SIGLEC7: variants seen among roughly 807,000 people sequenced by gnomAD.
SIGLEC7 encodes sialic acid-binding Ig-like lectin 7.
In SIGLEC7, 33 loss-of-function variants were observed where a neutral mutation model predicts 40.8. That is an observed-to-expected ratio of 0.81 (90% CI 0.61 to 1.08). SIGLEC7 has a LOEUF of 1.08. Ranked by LOEUF, SIGLEC7 falls within the 50% of genes least tolerant of loss-of-function variation. SIGLEC7 has a pLI of 0.00. For synonymous variants in SIGLEC7, 242 were observed against 237.6 expected (o/e 1.02, Z -0.17); for missense variants, 513 against 576.1 (o/e 0.89, Z 1.12).
Position 51,146,739 on chromosome 19 carries a change from C to T in SIGLEC7, c.1028-15C>T. The T allele has an allele frequency of 6.2e-7, 1 of 1,610,568 alleles. No individual in the cohort carries two copies. ...TTGGAGTTGGATCACCAAAACAATT[C>T]CAATCCATCCTCAGGCAAAATGAGG... is the stretch of plus-strand genomic sequence containing the variant. On this transcript the variant is annotated splice_polypyrimidine_tract_variant and intron_variant, in intron 4 of 6. Transcript: ENST00000317643.
At position 51,153,319 on chromosome 19, in the gene SIGLEC7, A is replaced by G; in HGVS notation, c.*74A>G. 4.3e-6 allele frequency: 5 copies of G among 1,164,872 alleles called. No individual in the cohort carries two copies. Among genetic ancestry groups the G allele is most frequent in the South Asian group, 1.9e-5 (1 of 51,772 alleles). The allele number at this position is 1,164,872 out of a possible 1,614,324, so 72.2% of individuals were successfully genotyped here. ...AAAGGAGTCTGAGGCTGATTCCAGT[A>G]GAATTAGCAGCCCTCAATGCTGTGC... On this transcript the variant is annotated 3_prime_UTR_variant, in exon 7 of 7. Coordinates refer to ENST00000317643, the MANE Select transcript of SIGLEC7 (RefSeq NM_014385.4).
At chr19:51,144,869 C>T (rs1261844769) in intron 2 of SIGLEC7, 43 bp from the exon 3 acceptor site, 1 of 1,602,078 alleles carries the variant, frequency 6.2e-7, no homozygotes, top group Non-Finnish European at 8.6e-7. Flanking sequence ...CCAGTGTCCC[C>T]AGCCCTCACA....
chr19:51,144,666 A>G lies in SIGLEC7; in HGVS notation c.694A>G (p.Ile232Val). Residue 232 changes from isoleucine (I) to valine (V), a missense_variant, in exon 2 of 7, where the codon ATC (isoleucine) becomes GTC (valine). Transcript: ENST00000317643. ...PGAGVTTNRT[I>V]QLNVSYPPQN... ...GGCCGGCGTGACCACGAACAGGACC[A>G]TCCAACTCAATGTGTCCTGTGAGTG... 1 of 1,613,614 alleles carries G rather than the reference A, an allele frequency of 6.2e-7. No individual in the cohort carries two copies. The highest frequency in any genetic ancestry group is 8.5e-7 in the Non-Finnish European group (1 of 1,179,966).
At position 51,145,745 on chromosome 19, in the gene SIGLEC7, C is replaced by T; in HGVS notation, c.761-110C>T. 1.6e-6 allele frequency: 2 copies of T among 1,275,988 alleles called. No homozygotes were observed. Among genetic ancestry groups the T allele is most frequent in the African/African-American group, 1.5e-5 (1 of 67,838 alleles). 79.0% of individuals were successfully genotyped at this position (1,275,988 alleles called of 1,614,324 possible). The stretch of plus-strand genomic sequence containing the variant: ...CAGTGAGCGGTGAACATAAGTATGT[C>T]CCTGCACCAGCCTACATCACTCTCT... On this transcript the variant is annotated intron_variant, in intron 3 of 6. Transcript: ENST00000317643. The surrounding 1 kb of genome is among the most constrained non-coding windows in gnomAD (Gnocchi z 4.3).
Position 51,145,119 on chromosome 19 carries a change from A to T in SIGLEC7, c.760+160A>T, listed in dbSNP as rs116710301. Among the ~76,000 whole-genome samples the T allele has an allele frequency of 8.4e-3, 1,277 of 151,916 alleles. 17 individuals carry two copies. Among genetic ancestry groups the T allele is most frequent in the African/African-American group, 0.026 (1,089 of 41,382 alleles). ...CCTTAGCCTCTGTGGCCACCTGAGC[A>T]CCTGTCCTCTTCCCCCCACTCCCCT... On this transcript the variant is annotated intron_variant, in intron 3 of 6. Transcript: ENST00000317643. This position sits in a 1 kb window ranked among gnomAD's most constrained non-coding sequence, Gnocchi z 4.3.
At chr19:51,147,381 C>G in intron 6 of SIGLEC7, 64 bp downstream of exon 6, 1 of 1,445,958 alleles carries the variant, frequency 6.9e-7, no homozygotes. Flanking sequence ...GGATGGCCTC[C>G]AGGATTTCTC....
chr19:51,152,436 T>C (rs1183166514), intron 6 of SIGLEC7, among the ~76,000 whole-genome samples: 1 of 152,210 alleles, frequency 6.6e-6, no homozygotes, highest in African/African-American at 2.4e-5. Context: ...TTATACTTCT[T>C]ATCAGAGGAT....
chr19:51,151,356 G>A (rs2092142221), intron 6 of SIGLEC7, among the ~76,000 whole-genome samples: 1 of 152,214 alleles, frequency 6.6e-6, no homozygotes, highest in Admixed American at 6.5e-5. Context: ...AAGAAAAGGA[G>A]GAGTTCAGAT....
chr19:51,147,206 G>A lies in SIGLEC7; in HGVS notation c.1125-15G>A, dbSNP rs369527229. ...ATCTGACCACACTGAAAGGCTCTCT[G>A]GTCTCTTCACTCAGAGTGAGGTCCT... On this transcript the variant is annotated splice_polypyrimidine_tract_variant and intron_variant, in intron 5 of 6. Coordinates refer to ENST00000317643, the MANE Select transcript of SIGLEC7 (RefSeq NM_014385.4). 9.3e-6 allele frequency: 15 copies of A among 1,611,616 alleles called. No homozygotes were observed. Among genetic ancestry groups the A allele is most frequent in the Non-Finnish European group, 1.2e-5 (14 of 1,178,734 alleles).
intron 6 of SIGLEC7, 133 bp downstream of exon 6, chr19:51,147,450 T>G: frequency 1.5e-6 from 1 of 668,872 alleles, no homozygotes; most frequent in Non-Finnish European, 2.4e-6. Context: ...ATCCAGCTTC[T>G]CCTGCAGGAT....
intron 6 of SIGLEC7, among the ~76,000 whole-genome samples, chr19:51,149,062 T>A (rs1161970068): frequency 1.3e-5 from 2 of 152,244 alleles, no homozygotes; most frequent in African/African-American, 2.4e-5. Flanking sequence ...ATGCTGGATA[T>A]TAGACCTTTG....
intron 6 of SIGLEC7, 61 bp downstream of exon 6, chr19:51,147,378 C>T (rs982879734): frequency 1.4e-6 from 2 of 1,470,958 alleles, no homozygotes; most frequent in African/African-American, 1.4e-5. Flanking sequence ...ACAGGATGGC[C>T]TCCAGGATTT....
chr19:51,143,656 C>T (rs1401654639), intron 1 of SIGLEC7, among the ~76,000 whole-genome samples: 1 of 152,106 alleles, frequency 6.6e-6, no homozygotes. Context: ...TCCTCTCCAG[C>T]CCCTCTCCAG....
Position 51,142,445 on chromosome 19 carries a change from T to A in SIGLEC7, c.76T>A (p.Tyr26Asn). 6.2e-7 allele frequency: 1 copy of A among 1,614,136 alleles called. No individual in the cohort carries two copies. Among genetic ancestry groups the A allele is most frequent in the Non-Finnish European group, 8.5e-7 (1 of 1,180,018 alleles). ...VEGQKSNRKDYSLTMQSSVTV... is the reference protein window; with the variant it reads ...VEGQKSNRKDNSLTMQSSVTV... ...AGGACAGAAGAGTAACCGGAAGGAT[T>A]ACTCGCTGACGATGCAGAGTTCCGT... is the stretch of plus-strand genomic sequence containing the variant. Residue 26 changes from tyrosine to asparagine, a missense_variant, in exon 1 of 7, where the codon TAC (tyrosine) becomes AAC (asparagine). Transcript: ENST00000317643. This position sits in a 1 kb window ranked among gnomAD's most constrained non-coding sequence, Gnocchi z 5.0.
In SIGLEC7 at chr19:51,142,786, C is replaced by G. The variant is rs114876972; in HGVS notation, c.417C>G (p.Leu139=). 1.6e-3 allele frequency: 2,578 copies of G among 1,595,696 alleles called. 45 individuals carry two copies. In the African/African-American group the frequency reaches 0.031, roughly 19 times the overall value. Residue 139 remains leucine (L), a synonymous_variant, in exon 1 of 7, where the codon CTC becomes CTG. Transcript: ENST00000317643. The surrounding 1 kb of genome is among the most constrained non-coding windows in gnomAD (Gnocchi z 5.0). ...NIKWNYKYDQ[L]SVNVTALTHR... is the part of the protein sequence containing the mutation. ...AATGGAATTATAAATATGACCAGCTCTCTGTGAACGTGACAGGTAAGGCAC... is the reference window on the plus strand; with the variant it reads ...AATGGAATTATAAATATGACCAGCTGTCTGTGAACGTGACAGGTAAGGCAC...
chr19:51,146,114 G>A lies in SIGLEC7; in HGVS notation c.1020G>A (p.Glu340=). The A allele has an allele frequency of 1.2e-6, 2 of 1,613,826 alleles. No homozygotes were observed. The highest frequency in any genetic ancestry group is 1.1e-5 in the South Asian group (1 of 91,076). Residue 340 remains glutamate, a synonymous_variant, in exon 4 of 7, where the codon GAG becomes GAA. Coordinates refer to ENST00000317643, the MANE Select transcript of SIGLEC7 (RefSeq NM_014385.4). ...HVSLNLSLQQ[E]YTGKMRPVSG... is the part of the protein sequence containing the mutation. ...CCCTGAACCTCTCCCTGCAACAGGAGTACACAGGTGGGTAAGGGAGGGGCT... is the reference window on the plus strand; with the variant it reads ...CCCTGAACCTCTCCCTGCAACAGGAATACACAGGTGGGTAAGGGAGGGGCT...
Position 51,142,547 on chromosome 19 carries a change from C to A in SIGLEC7, c.178C>A (p.Pro60Thr). The A allele has an allele frequency of 1.9e-6, 3 of 1,614,146 alleles. No homozygotes were observed. The highest frequency in any genetic ancestry group is 2.5e-6 in the Non-Finnish European group (3 of 1,180,024). The change falls in exon 1 of 7, where the codon CCA (proline) becomes ACA (threonine). Residue 60 changes from proline to threonine, a missense_variant. Coordinates refer to ENST00000317643, the MANE Select transcript of SIGLEC7 (RefSeq NM_014385.4). This position sits in a 1 kb window ranked among gnomAD's most constrained non-coding sequence, Gnocchi z 5.0. Reference protein sequence around the residue: ...YPVDSQTDSDPVHGYWFRAGN... With the variant: ...YPVDSQTDSDTVHGYWFRAGN... ...AGTGGACAGCCAGACTGACTCTGACCCAGTTCATGGCTACTGGTTCCGGGC... is the reference window on the plus strand; with the variant it reads ...AGTGGACAGCCAGACTGACTCTGACACAGTTCATGGCTACTGGTTCCGGGC...
Position 51,144,931 on chromosome 19 carries a change from T to C in SIGLEC7, c.732T>C (p.Thr244=). 4 of 1,614,088 alleles carry C rather than the reference T, an allele frequency of 2.5e-6. No homozygotes were observed. The change falls in exon 3 of 7, where the codon ACT becomes ACC. Residue 244 remains threonine, a synonymous_variant. Transcript: ENST00000317643. ...LNVSYPPQNL[T]VTVFQGEGTA... Reference sequence around the variant, plus strand: ...TCCCAGACCCTCCTCAGAACTTGACTGTGACTGTCTTCCAAGGAGAAGGCA... The same window carrying C: ...TCCCAGACCCTCCTCAGAACTTGACCGTGACTGTCTTCCAAGGAGAAGGCA...
chr19:51,149,653 T>A (rs2092131742), intron 6 of SIGLEC7, among the ~76,000 whole-genome samples: 1 of 152,224 alleles, frequency 6.6e-6, no homozygotes, highest in Non-Finnish European at 1.5e-5. Flanking sequence ...TGGTTTCATA[T>A]GAATTTTAAA....
Sources: gnomAD v4.1 joint callset for allele counts (sites outside exome capture counted in the v4.1 genomes callset) on GRCh38, gnomAD v4.1.1 for gene constraint, Gnocchi (gnomAD v3.1) non-coding constraint, MANE v1.5 for transcripts, NCBI Gene and HGNC (gene_info 2026-07-23, HGNC 2026-07-21) for gene names.